Variants in RASAL2 observed in about 807,000 individuals in gnomAD.
The protein encoded by RASAL2 is ras GTPase-activating protein nGAP.
Under a neutral mutation model 128.9 loss-of-function variants are expected in RASAL2, and 58 were observed. That is an observed-to-expected ratio of 0.45 (90% CI 0.36 to 0.56). The LOEUF (loss-of-function observed/expected upper bound fraction) is 0.56, where lower values mean the gene tolerates loss of function less well. RASAL2 is among the 20% of genes least tolerant of loss of function. The probability of loss-of-function intolerance (pLI) is 0.00; values close to 1 mark genes in which losing one functional copy is unlikely to be tolerated. For synonymous variants in RASAL2, 561 were observed against 580.8 expected, an observed-to-expected ratio of 0.97 and a Z score of 0.49; for missense variants, 1,360 against 1,601.6, an observed-to-expected ratio of 0.85 and a Z score of 2.57.
At position 178,476,688 on chromosome 1, in the gene RASAL2, A is replaced by G. The variant is rs901355494; in HGVS notation, c.*3449A>G. ...CCTAAGACTGCTACAAGTGTTAACT[A>G]TATGCCCTTAAGAATGAGCTTGACT... On this transcript the variant is annotated 3_prime_UTR_variant, in exon 18 of 18. Coordinates refer to ENST00000367649, the MANE Select transcript of RASAL2 (RefSeq NM_170692.4). 3.3e-5 allele frequency: 5 copies of G among 152,216 alleles called. No individual in the cohort carries two copies. The highest frequency in any genetic ancestry group is 7.3e-5 in the Non-Finnish European group (5 of 68,054). 9.4% of individuals were successfully genotyped at this position (152,216 alleles called of 1,614,324 possible).
chr1:178,112,817 A>T (rs1013285488), intron 1 of RASAL2, among the ~76,000 whole-genome samples: 72 of 150,236 alleles, frequency 4.8e-4, no homozygotes, highest in African/African-American at 1.6e-3. Context: ...CTAGATGACG[A>T]GTTAGTGGGT....
intron 1 of RASAL2, among the ~76,000 whole-genome samples, chr1:178,164,713 A>C (rs915374106): frequency 1.3e-5 from 2 of 151,762 alleles, no homozygotes; most frequent in African/African-American, 4.8e-5. Context: ...ATAGTTGATA[A>C]ATTACCTATT....
chr1:178,311,122 T>C (rs1438057704), intron 3 of RASAL2, among the ~76,000 whole-genome samples: 4 of 152,098 alleles, frequency 2.6e-5, no homozygotes, highest in Non-Finnish European at 5.9e-5. Flanking sequence ...GAATGGCAGA[T>C]TGAACACAAG....
At chr1:178,387,374 T>A (rs186422218) in intron 3 of RASAL2, among the ~76,000 whole-genome samples, 53 of 152,010 alleles carry the variant, frequency 3.5e-4, no homozygotes, top group Non-Finnish European at 4.6e-4. Context: ...ATTTTTTTTT[T>A]AATTTTATTA....
chr1:178,200,197 A>G (rs1662814909), intron 1 of RASAL2, among the ~76,000 whole-genome samples: 1 of 152,334 alleles, frequency 6.6e-6, no homozygotes, highest in East Asian at 1.9e-4. Flanking sequence ...TTCTAGAGGA[A>G]CAGAATATTA....
intron 1 of RASAL2, among the ~76,000 whole-genome samples, chr1:178,266,183 A>G (rs574061484): frequency 5.3e-5 from 8 of 152,320 alleles, no homozygotes; most frequent in African/African-American, 1.9e-4. Context: ...AACAGTTTTC[A>G]AAAGTGATTT....
At chr1:178,189,122 A>G (rs1245748828) in intron 1 of RASAL2, among the ~76,000 whole-genome samples, 3 of 152,220 alleles carry the variant, frequency 2.0e-5, no homozygotes, top group Non-Finnish European at 2.9e-5. Context: ...GAGTTACTAC[A>G]TGAATGACTG....
chr1:178,102,972 G>T (rs541445244), intron 1 of RASAL2, among the ~76,000 whole-genome samples: 1 of 152,260 alleles, frequency 6.6e-6, no homozygotes, highest in Non-Finnish European at 1.5e-5. Flanking sequence ...AAAATTCAGG[G>T]TTATATTTCT....
At chr1:178,392,527 A>G (rs1196672506) in intron 4 of RASAL2, among the ~76,000 whole-genome samples, 1 of 152,228 alleles carries the variant, frequency 6.6e-6, no homozygotes, top group Non-Finnish European at 1.5e-5. Flanking sequence ...CTGCTGAAGC[A>G]TTAAAGATGT....
rs568007406 is a variant in RASAL2 at position 178,311,603 on chromosome 1, G to A, written c.457+11485G>A. Among the ~76,000 whole-genome samples the A allele has an allele frequency of 3.9e-4, 59 of 152,150 alleles. No individual in the cohort carries two copies. The South Asian group carries it at 7.7e-3, about 20-fold the overall frequency. On this transcript the variant is annotated intron_variant, in intron 3 of 17. Coordinates refer to ENST00000367649, the MANE Select transcript of RASAL2 (RefSeq NM_170692.4). Reference sequence around the variant, plus strand: ...GATACTAGGCAAAATTGAGAACAGGGCATTTTACCACATATGAGGGAATTA... The same window carrying A: ...GATACTAGGCAAAATTGAGAACAGGACATTTTACCACATATGAGGGAATTA...
intron 4 of RASAL2, among the ~76,000 whole-genome samples, chr1:178,409,131 G>A (rs576485633): frequency 2.0e-5 from 3 of 152,278 alleles, no homozygotes; most frequent in East Asian, 1.9e-4. Context: ...ATGGGAGGTG[G>A]TTGGAGAAGA....
At chr1:178,288,634 TTCTC>T (rs1487074112) in intron 2 of RASAL2, among the ~76,000 whole-genome samples, 2 of 147,432 alleles carry the variant, frequency 1.4e-5, no homozygotes, top group African/African-American at 2.6e-5. Flanking sequence ...ATGCTATTCT[TTCTC>T]TCTCTTTTTT....
rs1274137748 is a variant in RASAL2, at chr1:178,454,216, G to GGA, written c.2010-229_2010-228dup. On this transcript the variant is annotated intron_variant, in intron 11 of 17. Transcript: ENST00000367649. ...AGAACTAAAAAAAAAAAAAAAAAAA[G>GGA]GAGTTTTGGCTTTACCCTTTAGAGA... 1.4e-4 allele frequency among the ~76,000 whole-genome samples: 20 copies of GGA among 139,138 alleles called. 2 individuals carry two copies. The East Asian group carries it at 4.1e-3, about 29-fold the overall frequency. 91.3% of individuals were successfully genotyped at this position (139,138 alleles called of 152,430 possible).
At chr1:178,196,473 T>A (rs1402892770) in intron 1 of RASAL2, among the ~76,000 whole-genome samples, 1 of 152,192 alleles carries the variant, frequency 6.6e-6, no homozygotes, top group African/African-American at 2.4e-5. Context: ...CAACCAACCA[T>A]GGATTGAAAA....
chr1:178,146,371 T>C (rs1214003166), intron 1 of RASAL2, among the ~76,000 whole-genome samples: 2 of 152,248 alleles, frequency 1.3e-5, no homozygotes, highest in African/African-American at 4.8e-5. Flanking sequence ...GCAGGCTTTA[T>C]TTAGCCTGTA....
intron 1 of RASAL2, among the ~76,000 whole-genome samples, chr1:178,207,414 G>A (rs1232841851): frequency 1.3e-5 from 2 of 152,126 alleles, no homozygotes; most frequent in Non-Finnish European, 2.9e-5. Context: ...AACTATTGAT[G>A]TAACATTTAT....
intron 3 of RASAL2, among the ~76,000 whole-genome samples, chr1:178,340,999 T>C (rs1041043862): frequency 5.3e-5 from 8 of 152,232 alleles, no homozygotes; most frequent in Admixed American, 1.3e-4. Flanking sequence ...ATTTCCGTTA[T>C]GGTAAGTTAA....
intron 3 of RASAL2, among the ~76,000 whole-genome samples, chr1:178,374,261 G>A (rs1671877345): frequency 6.6e-6 from 1 of 152,118 alleles, no homozygotes; most frequent in African/African-American, 2.4e-5. Flanking sequence ...TGAGTCATTT[G>A]CTAATGTAAT....
chr1:178,284,977 C>T (rs112861861), intron 2 of RASAL2, among the ~76,000 whole-genome samples: 4,693 of 152,046 alleles, frequency 0.031, 92 homozygotes, highest in Middle Eastern at 0.065. Flanking sequence ...TCTCTTGCTC[C>T]TCCTTCCTTC....
Sources: gnomAD v4.1 joint callset for allele counts (sites outside exome capture counted in the v4.1 genomes callset) on GRCh38, gnomAD v4.1.1 for gene constraint, MANE v1.5 for transcripts, NCBI Gene and HGNC (gene_info 2026-07-23, HGNC 2026-07-21) for gene names.